TSPAN14: variants seen among roughly 807,000 people sequenced by gnomAD.
TSPAN14 encodes tetraspanin-14.
In TSPAN14, 16 loss-of-function variants were observed where a neutral mutation model predicts 36.6. That is an observed-to-expected ratio of 0.44 (90% CI 0.30 to 0.66). TSPAN14 has a LOEUF of 0.66. Ranked by LOEUF, TSPAN14 falls within the 30% of genes least tolerant of loss-of-function variation. The pLI, the probability that TSPAN14 is intolerant of heterozygous loss-of-function variation, is 0.12. For synonymous variants in TSPAN14, 139 were observed against 143.8 expected, an observed-to-expected ratio of 0.97 and a Z score of 0.24; for missense variants, 231 against 355.1, an observed-to-expected ratio of 0.65 and a Z score of 2.81.
chr10:80,468,225 C>G (rs1017908199), intron 1 of TSPAN14, among the ~76,000 whole-genome samples: 2 of 152,166 alleles, frequency 1.3e-5, no homozygotes. Context: ...GCCTGTTGCC[C>G]GTCTGACTTC....
chr10:80,520,599 C>G (rs868199153), exon 9 of TSPAN14: 2 of 532,996 alleles, frequency 3.8e-6, no homozygotes, highest in Non-Finnish European at 7.7e-6. Flanking sequence ...TGGTCCACCC[C>G]CTCTCAGGAT....
chr10:80,471,732 C>G (rs1490467137), intron 1 of TSPAN14, among the ~76,000 whole-genome samples: 1 of 152,096 alleles, frequency 6.6e-6, no homozygotes, highest in Non-Finnish European at 1.5e-5. Flanking sequence ...CTCCTTTTGC[C>G]TAGCCATTTG....
At position 80,485,956 on chromosome 10, in the gene TSPAN14, C is replaced by T. The variant is rs995528677; in HGVS notation, c.-17-3261C>T. Among the ~76,000 whole-genome samples, 7 of 152,158 alleles carry T rather than the reference C, an allele frequency of 4.6e-5. 1 individual carries two copies. The East Asian group carries it at 7.7e-4, about 17-fold the overall frequency. On this transcript the variant is annotated intron_variant, in intron 1 of 8. Transcript: ENST00000429989. ...CATGTGCTCTGGGTTGTAAGTGGCACGTGCATCAGGATACGTTGTCTGGGT... is the reference window on the plus strand; with the variant it reads ...CATGTGCTCTGGGTTGTAAGTGGCATGTGCATCAGGATACGTTGTCTGGGT...
chr10:80,517,389 A>G (rs1840993862), intron 8 of TSPAN14, among the ~76,000 whole-genome samples: 1 of 152,240 alleles, frequency 6.6e-6, no homozygotes, highest in Non-Finnish European at 1.5e-5. Context: ...TTCACGTTAG[A>G]AGAACATCAG....
intron 1 of TSPAN14, among the ~76,000 whole-genome samples, chr10:80,458,680 A>G (rs1034742949): frequency 6.6e-6 from 1 of 152,188 alleles, no homozygotes; most frequent in South Asian, 2.1e-4. Flanking sequence ...CAGTTTGCTT[A>G]TCTTCCATTA....
At chr10:80,507,482 T>C in intron 4 of TSPAN14, 108 bp downstream of exon 4, 1 of 1,481,740 alleles carries the variant, frequency 6.7e-7, no homozygotes, top group East Asian at 2.3e-5. Flanking sequence ...CTTAGGAGCC[T>C]CCCCTAGGCC....
At chr10:80,466,001 A>G (rs1041439168) in intron 1 of TSPAN14, among the ~76,000 whole-genome samples, 1 of 152,126 alleles carries the variant, frequency 6.6e-6, no homozygotes, top group Non-Finnish European at 1.5e-5. Context: ...TGACTTCTCT[A>G]TCTGAGGTGT....
intron 2 of TSPAN14, among the ~76,000 whole-genome samples, chr10:80,496,107 C>T (rs1848185682): frequency 6.6e-6 from 1 of 152,150 alleles, no homozygotes; most frequent in Non-Finnish European, 1.5e-5. Context: ...ATATACGTAA[C>T]AGAACATTTG....
rs1442735941 is a variant in TSPAN14 at position 80,489,213 on chromosome 10, G to A, written c.-17-4G>A. The stretch of plus-strand genomic sequence containing the variant: ...CATCTCACTAGTCACACATCTCTCC[G>A]CAGATTCTGCTTCTCAGAAGATGCA... On this transcript the variant is annotated splice_polypyrimidine_tract_variant and splice_region_variant and intron_variant, in intron 1 of 8. Coordinates refer to ENST00000429989, the Ensembl canonical transcript of TSPAN14. 1.3e-5 allele frequency: 20 copies of A among 1,560,448 alleles called. 1 individual carries two copies. Among genetic ancestry groups the A allele is most frequent in the Middle Eastern group, 1.7e-4 (1 of 6,002 alleles).
intron 1 of TSPAN14, among the ~76,000 whole-genome samples, chr10:80,484,202 C>T (rs1406507911): frequency 6.6e-6 from 1 of 151,366 alleles, no homozygotes; most frequent in African/African-American, 2.4e-5. Flanking sequence ...CTGAGTGCGC[C>T]ACTGCACTCC....
chr10:80,515,142 T>G (rs1186816565), intron 7 of TSPAN14, among the ~76,000 whole-genome samples: 1 of 152,218 alleles, frequency 6.6e-6, no homozygotes, highest in Non-Finnish European at 1.5e-5. Flanking sequence ...AATTATGATT[T>G]TTTTTGCCAC....
At chr10:80,495,234 C>T (rs1270545395) in intron 2 of TSPAN14, among the ~76,000 whole-genome samples, 1 of 152,024 alleles carries the variant, frequency 6.6e-6, no homozygotes, top group Non-Finnish European at 1.5e-5. Context: ...TTAATTGGGT[C>T]ACAAGGTGTG....
At chr10:80,495,781 G>A (rs1277720373) in intron 2 of TSPAN14, among the ~76,000 whole-genome samples, 1 of 152,252 alleles carries the variant, frequency 6.6e-6, no homozygotes, top group South Asian at 2.1e-4. Flanking sequence ...GTTGATGTCT[G>A]ATTTAGATAG....
At chr10:80,466,402 C>T (rs1846250529) in intron 1 of TSPAN14, 1 of 152,220 alleles carries the variant, frequency 6.6e-6, no homozygotes, top group Non-Finnish European at 1.5e-5. Flanking sequence ...CACAGGCACG[C>T]ATCACCATGC....
intron 3 of TSPAN14, among the ~76,000 whole-genome samples, chr10:80,505,320 G>A (rs1288498873): frequency 6.6e-6 from 1 of 152,150 alleles, no homozygotes; most frequent in African/African-American, 2.4e-5. Flanking sequence ...GTGCAGTTGC[G>A]GCTCCAGGAA....
At chr10:80,459,528 C>T (rs1845877874) in intron 1 of TSPAN14, 1 of 153,768 alleles carries the variant, frequency 6.5e-6, no homozygotes, top group African/African-American at 2.4e-5. Flanking sequence ...GGTGCTGCCT[C>T]AGAGTCTTTG....
chr10:80,516,458 G>T, intron 8 of TSPAN14, 135 bp downstream of exon 8: 1 of 1,302,242 alleles, frequency 7.7e-7, no homozygotes. Context: ...GATTCAACTG[G>T]ATGTCCAAGG....
chr10:80,521,353 C>T (rs1334134300), exon 9 of TSPAN14: 2 of 157,864 alleles, frequency 1.3e-5, no homozygotes, highest in Admixed American at 1.2e-4. Flanking sequence ...ATGCATCAGC[C>T]TGTCACCCGC....
intron 6 of TSPAN14, among the ~76,000 whole-genome samples, 186 bp downstream of exon 6, chr10:80,512,455 T>A (rs78615883): frequency 6.6e-6 from 1 of 152,162 alleles, no homozygotes; most frequent in African/African-American, 2.4e-5. Flanking sequence ...CTAGGAACAC[T>A]GCTTGCATGA....
Sources: gnomAD v4.1 joint callset for allele counts (sites outside exome capture counted in the v4.1 genomes callset) on GRCh38, gnomAD v4.1.1 for gene constraint, MANE v1.5 for transcripts, NCBI Gene and HGNC (gene_info 2026-07-23, HGNC 2026-07-21) for gene names.